The following PTPRD variants were observed in gnomAD, a reference collection of about 807,000 sequenced individuals.
PTPRD encodes receptor-type tyrosine-protein phosphatase delta.
Under a neutral mutation model 214.5 loss-of-function variants are expected in PTPRD, and 34 were observed. The observed-to-expected ratio is 0.16, with a 90% CI of 0.12 to 0.21. The LOEUF (loss-of-function observed/expected upper bound fraction) is 0.21, where lower values mean the gene tolerates loss of function less well. PTPRD is among the 10% of genes least tolerant of loss of function. The pLI is 1.00. For missense variants in PTPRD, 2,545 were observed against 2,398.7 expected, an observed-to-expected ratio of 1.06 and a Z score of -1.27; for synonymous variants, 1,128 against 845.7, an observed-to-expected ratio of 1.33 and a Z score of -5.79.
intron 7 of PTPRD, among the ~76,000 whole-genome samples, chr9:9,620,365 G>A (rs778558478): frequency 5.3e-5 from 8 of 152,088 alleles, no homozygotes; most frequent in Middle Eastern, 6.8e-3. Flanking sequence ...ATGCTAGGCC[G>A]GTAAATAAGA....
At chr9:8,596,945 C>T (rs1165118690) in intron 14 of PTPRD, among the ~76,000 whole-genome samples, 1 of 152,026 alleles carries the variant, frequency 6.6e-6, no homozygotes, top group African/African-American at 2.4e-5. Context: ...GGATGTCATC[C>T]TAAAACCTCA....
intron 41 of PTPRD, among the ~76,000 whole-genome samples, chr9:8,340,710 TTAGCGCAATGCTAA>T (rs1180192578): frequency 6.6e-6 from 1 of 152,096 alleles, no homozygotes; most frequent in Non-Finnish European, 1.5e-5. Flanking sequence ...TATTTGAATT[TTAGCGCAATGCTAA>T]TAGCTCAATT....
intron 10 of PTPRD, among the ~76,000 whole-genome samples, chr9:9,019,603 G>A (rs894896471): frequency 6.6e-5 from 10 of 152,150 alleles, no homozygotes; most frequent in African/African-American, 2.4e-4. Context: ...CTACTCAGGA[G>A]GCTGAGGCAG....
At chr9:8,610,147 TATC>T (rs75830937) in intron 14 of PTPRD, among the ~76,000 whole-genome samples, 15,324 of 143,484 alleles carry the variant, frequency 0.11, 809 homozygotes, top group East Asian at 0.18. Context: ...AAGTGATCTT[TATC>T]ATCATCATTA....
intron 4 of PTPRD, among the ~76,000 whole-genome samples, chr9:9,959,118 T>C (rs578068999): frequency 1.3e-5 from 2 of 152,230 alleles, no homozygotes; most frequent in South Asian, 2.1e-4. Context: ...AACAGATGAA[T>C]GAATAAACAA....
chr9:8,437,224 C>A (rs1181438374), intron 34 of PTPRD: 8 of 1,522,274 alleles, frequency 5.3e-6, no homozygotes, highest in African/African-American at 1.4e-5. Context: ...ACCAGGGTAA[C>A]CGGAATCATC....
chr9:9,846,936 C>T (rs1432058438), intron 5 of PTPRD, among the ~76,000 whole-genome samples: 1 of 152,006 alleles, frequency 6.6e-6, no homozygotes, highest in Non-Finnish European at 1.5e-5. Flanking sequence ...AGTGACTGTA[C>T]TGTGATGTGT....
At chr9:10,144,101 AAAAT>A (rs1429017983) in intron 3 of PTPRD, among the ~76,000 whole-genome samples, 13 of 152,162 alleles carry the variant, frequency 8.5e-5, no homozygotes, top group African/African-American at 2.2e-4. Flanking sequence ...ACTAAAGAAA[AAAAT>A]AAAGTAATTT....
At chr9:9,795,926 A>C (rs1407432403) in intron 5 of PTPRD, among the ~76,000 whole-genome samples, 2 of 152,196 alleles carry the variant, frequency 1.3e-5, no homozygotes, top group African/African-American at 4.8e-5. Flanking sequence ...CTCTACAGAA[A>C]CTATCACAGG....
chr9:9,360,806 C>A (rs890709795), intron 9 of PTPRD, among the ~76,000 whole-genome samples: 1 of 150,684 alleles, frequency 6.6e-6, no homozygotes, highest in Non-Finnish European at 1.5e-5. Context: ...AAAAGATTTC[C>A]AAGTGTATTA....
intron 30 of PTPRD, among the ~76,000 whole-genome samples, chr9:8,475,071 C>T (rs74942706): frequency 4.3e-4 from 66 of 152,238 alleles, no homozygotes; most frequent in African/African-American, 1.5e-3. Flanking sequence ...TTCTCCCACT[C>T]CTGACTGCCA....
chr9:8,639,807 C>A (rs1189226411), intron 12 of PTPRD, among the ~76,000 whole-genome samples: 1 of 152,154 alleles, frequency 6.6e-6, no homozygotes, highest in East Asian at 1.9e-4. Context: ...ACATAGAAAT[C>A]TTATTTCTAA....
chr9:9,780,955 C>G (rs1041062377), intron 5 of PTPRD, among the ~76,000 whole-genome samples: 1 of 152,126 alleles, frequency 6.6e-6, no homozygotes, highest in Non-Finnish European at 1.5e-5. Context: ...ACTGTATATT[C>G]CAAGTGTATG....
Position 8,389,422 on chromosome 9 carries a change from G to A in PTPRD, c.4211-15C>T, listed in dbSNP as rs777430602. 2 of 1,599,870 alleles carry A rather than the reference G, an allele frequency of 1.3e-6. No individual in the cohort carries two copies. Among genetic ancestry groups the A allele is most frequent in the Admixed American group, 1.7e-5 (1 of 58,754 alleles). On this transcript the variant is annotated splice_polypyrimidine_tract_variant and intron_variant, in intron 36 of 45. Transcript: ENST00000381196. ...TCCTGGGATCCCTGGAAAACAAGGA[G>A]TGTTATTCAACCAGGTGAGCACATC...
At chr9:9,080,074 C>T (rs1488509454) in intron 10 of PTPRD, among the ~76,000 whole-genome samples, 1 of 151,946 alleles carries the variant, frequency 6.6e-6, no homozygotes, top group Non-Finnish European at 1.5e-5. Flanking sequence ...CTAATTTAGT[C>T]AAATCATAAC....
At chr9:8,625,206 T>C (rs2095980772) in intron 14 of PTPRD, among the ~76,000 whole-genome samples, 1 of 151,834 alleles carries the variant, frequency 6.6e-6, no homozygotes, top group African/African-American at 2.4e-5. Flanking sequence ...ACTATATATA[T>C]ATATACTACA....
intron 11 of PTPRD, among the ~76,000 whole-genome samples, chr9:8,898,217 G>A (rs1310251855): frequency 6.6e-6 from 1 of 151,840 alleles, no homozygotes; most frequent in Non-Finnish European, 1.5e-5. Context: ...ATATAAGGAT[G>A]TGTGCCTCTC....
Position 8,340,407 on chromosome 9 carries a change from C to G in PTPRD, c.5189G>C (p.Arg1730Pro), listed in dbSNP as rs201651279. 1.9e-6 allele frequency: 3 copies of G among 1,610,280 alleles called. No individual in the cohort carries two copies. Among genetic ancestry groups the G allele is most frequent in the Non-Finnish European group, 2.5e-6 (3 of 1,177,350 alleles). Residue 1730 changes from arginine to proline, a missense_variant, in exon 42 of 46, where the codon CGG becomes CCG. Arg to Pro is a moderately radical substitution (Grantham distance 103). Coordinates refer to ENST00000381196, the MANE Select transcript of PTPRD (RefSeq NM_002839.4). ...PLAETTEDFW[R>P]MLWEHNSTIV... is the part of the protein sequence containing the mutation. ...GGTGGAATTGTGTTCCCAGAGCATC[C>G]GCCAGAAGTCTTCAGTGGTCTCTGC...
chr9:9,040,594 A>G lies in PTPRD; in HGVS notation c.-142-21859T>C, dbSNP rs1333175039. Among the ~76,000 whole-genome samples, 5 of 151,954 alleles carry G rather than the reference A, an allele frequency of 3.3e-5. No homozygotes were observed. The East Asian group carries it at 9.6e-4, about 29-fold the overall frequency. ...TTCCCGAAGAATTTTTTTTTTCATA[A>G]CTGGTTTTGTACTTGAAGTGATTTA... On this transcript the variant is annotated intron_variant, in intron 10 of 45. Transcript: ENST00000381196.
Sources: allele counts gnomAD v4.1 joint callset (sites outside exome capture counted in the v4.1 genomes callset), GRCh38; gene constraint gnomAD v4.1.1; transcripts MANE v1.5; gene names NCBI Gene and HGNC (gene_info 2026-07-23, HGNC 2026-07-21).